The following EPPK1 variants were observed in gnomAD, a reference collection of about 807,000 sequenced individuals.
EPPK1 encodes epiplakin 1.
For missense variants in EPPK1, 3,823 were observed against 3,673.3 expected (o/e 1.04, Z -1.05); for synonymous variants, 1,862 against 1,721.2 (o/e 1.08, Z -2.03).
Position 143,872,532 on chromosome 8 carries a change from G to A in EPPK1, c.722C>T (p.Ala241Val), listed in dbSNP as rs782417012. 12 of 1,602,002 alleles carry A rather than the reference G, an allele frequency of 7.5e-6. No individual in the cohort carries two copies. The highest frequency in any genetic ancestry group is 6.8e-5 in the Admixed American group (4 of 59,218). The change falls in exon 2 of 2, where the codon GCG becomes GTG. Residue 241 changes from alanine to valine, a missense_variant. Transcript: ENST00000615648. ...CTCCAGCAGCTCAGCTGCACTCACCGCCCCGCCCATGGAGCGGAAGGTGAT... is the reference window on the plus strand; with the variant it reads ...CTCCAGCAGCTCAGCTGCACTCACCACCCCGCCCATGGAGCGGAAGGTGAT... Reference protein sequence around the residue: ...LKITFRSMGGAVSAAELLEVG... With the variant: ...LKITFRSMGGVVSAAELLEVG...
At position 143,869,376 on chromosome 8, in the gene EPPK1, AG is replaced by A. The variant is rs782479370; in HGVS notation, c.3877del (p.Leu1293Ter). 1.2e-6 allele frequency: 2 copies of A among 1,610,588 alleles called. No individual in the cohort carries two copies. The highest frequency in any genetic ancestry group is 1.7e-6 in the Non-Finnish European group (2 of 1,179,088). On this transcript the variant is annotated frameshift_variant, in exon 2 of 2. Coordinates refer to ENST00000615648, the MANE Select transcript of EPPK1 (RefSeq NM_031308.4). LOFTEE classifies it low-confidence loss of function (END_TRUNC). The part of the protein sequence containing the change: ...QVASGFLVDP[L>X]NNQRLSVEDA... ...CTCCACTGACAGTCTCTGGTTGTTCAGGGGGTCAACAAGGAAGCCAGATGCC... is the reference window on the plus strand; with the variant it reads ...CTCCACTGACAGTCTCTGGTTGTTCAGGGGTCAACAAGGAAGCCAGATGCC...
Position 143,866,876 on chromosome 8 carries a change from C to G in EPPK1, c.6378G>C (p.Leu2126=), listed in dbSNP as rs553724064. The G allele has an allele frequency of 6.2e-7, 1 of 1,613,268 alleles. No homozygotes were observed. The highest frequency in any genetic ancestry group is 8.5e-7 in the Non-Finnish European group (1 of 1,179,884). The change falls in exon 2 of 2, where the codon CTG becomes CTC. Residue 2126 remains leucine, a synonymous_variant. Transcript: ENST00000615648. Reference sequence around the variant, plus strand: ...TCTCCTCTGTCACGTATTCGGAATTCAGTAGTGCCCACAGTGTTGGTTTCT... The same window carrying G: ...TCTCCTCTGTCACGTATTCGGAATTGAGTAGTGCCCACAGTGTTGGTTTCT... The part of the protein sequence containing the change: ...RGQKPTLWAL[L]NSEYVTEEKK...
In EPPK1 at chr8:143,872,882, G is replaced by T; in HGVS notation, c.372C>A (p.Asp124Glu). 1.3e-6 allele frequency: 2 copies of T among 1,597,958 alleles called. No individual in the cohort carries two copies. Among genetic ancestry groups the T allele is most frequent in the Non-Finnish European group, 1.7e-6 (2 of 1,172,260 alleles). Residue 124 changes from aspartate to glutamate, a missense_variant, in exon 2 of 2, where the codon GAC (aspartate) becomes GAA (glutamate). Asp to Glu is a conservative substitution (Grantham distance 45). Coordinates refer to ENST00000615648, the MANE Select transcript of EPPK1 (RefSeq NM_031308.4). ...GGGCCAGCTTCTCACCGCCGTAGGG[G>T]TCAGGATAGCCCGTAGTGGCACGCT... is the stretch of plus-strand genomic sequence containing the variant. ...AAERATTGYPDPYGGEKLALF... is the reference protein window; with the variant it reads ...AAERATTGYPEPYGGEKLALF...
In EPPK1 at chr8:143,869,573, C is replaced by A; in HGVS notation, c.3681G>T (p.Gln1227His). 1 of 1,560,672 alleles carries A rather than the reference C, an allele frequency of 6.4e-7. No homozygotes were observed. The highest frequency in any genetic ancestry group is 1.2e-5 in the South Asian group (1 of 86,062). ...GCTGCTCGGCGACCTGGGCGGGCGACTGCGTGCCCTGAGCCAGGGCCTCAA... is the reference window on the plus strand; with the variant it reads ...GCTGCTCGGCGACCTGGGCGGGCGAATGCGTGCCCTGAGCCAGGGCCTCAA... ...ETLEALAQGT[Q>H]SPAQVAEQPA... The change falls in exon 2 of 2, where the codon CAG becomes CAT. Residue 1227 changes from glutamine to histidine, a missense_variant. By Grantham distance (24) the Gln-to-His change is conservative. Coordinates refer to ENST00000615648, the MANE Select transcript of EPPK1 (RefSeq NM_031308.4).
intron 1 of EPPK1, among the ~76,000 whole-genome samples, chr8:143,875,662 C>T (rs12674866): frequency 0.058 from 8,816 of 152,338 alleles, 612 homozygotes; most frequent in East Asian, 0.33. Context: ...CTGGCCGGTG[C>T]GCCACAGGGA....
intron 1 of EPPK1, 45 bp downstream of exon 1, chr8:143,878,393 T>TGCCCGCACCCGCCCGCACCCGCCGCACCC (rs1423132260): frequency 2.6e-3 from 63 of 24,538 alleles, no homozygotes; most frequent in African/African-American, 8.9e-3. Context: ...CCGCCGCACC[T>TGCCCGCACCCGCCCGCACCCGCCGCACCC]GCCCGCACCC....
rs781793059 is a variant in EPPK1 at position 143,867,193 on chromosome 8, G to A, written c.6061C>T (p.His2021Tyr). 1.9e-6 allele frequency: 3 copies of A among 1,612,760 alleles called. No homozygotes were observed. The highest frequency in any genetic ancestry group is 2.5e-6 in the Non-Finnish European group (3 of 1,179,812). The change falls in exon 2 of 2, where the codon CAC becomes TAC. Residue 2021 changes from histidine (H) to tyrosine (Y), a missense_variant. Coordinates refer to ENST00000615648, the MANE Select transcript of EPPK1 (RefSeq NM_031308.4). ...GTTTCCAGTGGGAGCCGGTGGTGGT[G>A]CTGTGGGTCGATGACACCCCCCGTG... ...VATGGVIDPQHHHRLPLETAY... is the reference protein window; with the variant it reads ...VATGGVIDPQYHHRLPLETAY...
At position 143,870,690 on chromosome 8, in the gene EPPK1, C is replaced by T. The variant is rs201267626; in HGVS notation, c.2564G>A (p.Arg855Gln). ...GRRRQLLRRY[R>Q]QREVTLGQVA... ...CTGCCCCAGCGTGACCTCGCGCTGC[C>T]GGTAGCGACGCAGCAGCTGCCTCCT... Residue 855 changes from arginine to glutamine, a missense_variant, in exon 2 of 2, where the codon CGG (arginine) becomes CAG (glutamine). Physicochemically the swap from Arg to Gln is conservative, Grantham distance 43 (BLOSUM62 1). Coordinates refer to ENST00000615648, the MANE Select transcript of EPPK1 (RefSeq NM_031308.4). This position sits in a 1 kb window ranked among gnomAD's most constrained non-coding sequence, Gnocchi z 5.2. 3.5e-4 allele frequency: 558 copies of T among 1,609,688 alleles called. No individual in the cohort carries two copies. Among genetic ancestry groups the T allele is most frequent in the Middle Eastern group, 6.6e-4 (4 of 6,056 alleles).
Position 143,866,641 on chromosome 8 carries a change from T to C in EPPK1, c.6613A>G (p.Ser2205Gly), listed in dbSNP as rs782083273. The change falls in exon 2 of 2, where the codon AGC becomes GGC. Residue 2205 changes from serine to glycine, a missense_variant. Physicochemically the swap from Ser to Gly is moderately conservative, Grantham distance 56. Transcript: ENST00000615648. ...EMLQDLETGR[S>G]TTQELMEDDR... is the part of the protein sequence containing the mutation. ...TCCTCCATGAGCTCTTGCGTCGTGC[T>C]CCGTCCCGTTTCCAGGTCCTGGAGC... The C allele has an allele frequency of 8.1e-6, 13 of 1,612,898 alleles. No homozygotes were observed. The highest frequency in any genetic ancestry group is 5.1e-6 in the Non-Finnish European group (6 of 1,179,886).
In EPPK1 at chr8:143,866,611, G is replaced by A. The variant is rs11781942; in HGVS notation, c.6643C>T (p.Arg2215Cys). ...GTGCCCTCCAGGTAGCGCTTGACGCGGTCGTCCTCCATGAGCTCTTGCGTC... is the reference window on the plus strand; with the variant it reads ...GTGCCCTCCAGGTAGCGCTTGACGCAGTCGTCCTCCATGAGCTCTTGCGTC... ...STTQELMEDD[R>C]VKRYLEGTSC... is the part of the protein sequence containing the mutation. The change falls in exon 2 of 2, where the codon CGC becomes TGC. Residue 2215 changes from arginine (R) to cysteine (C), a missense_variant. Arg to Cys is a radical substitution (Grantham distance 180, BLOSUM62 -3). Coordinates refer to ENST00000615648, the MANE Select transcript of EPPK1 (RefSeq NM_031308.4). The A allele has an allele frequency of 0.14, 232,308 of 1,612,758 alleles. 18,324 individuals are homozygous for A. Among genetic ancestry groups the A allele is most frequent in the Non-Finnish European group, 0.16 (190,082 of 1,179,820 alleles).
rs782526891 is a variant in EPPK1, at chr8:143,868,557, G to A, written c.4697C>T (p.Ser1566Phe). The A allele has an allele frequency of 1.3e-5, 21 of 1,604,478 alleles. No individual in the cohort carries two copies. The Admixed American group carries it at 3.4e-4, about 26-fold the overall frequency. ...EVAEMDSVKR[S>F]LEGGNFIAGV... ...GGCAATGAAGTTGCCTCCCTCCAGG[G>A]ACCGCTTCACGCTGTCCATCTCCGC... is the stretch of plus-strand genomic sequence containing the variant. The change falls in exon 2 of 2, where the codon TCC becomes TTC. Residue 1566 changes from serine to phenylalanine, a missense_variant. By Grantham distance (155) the Ser-to-Phe change is radical. Coordinates refer to ENST00000615648, the MANE Select transcript of EPPK1 (RefSeq NM_031308.4).
upstream of EPPK1, among the ~76,000 whole-genome samples, chr8:143,878,779 G>A (rs1185939820): frequency 2.0e-5 from 3 of 152,006 alleles, no homozygotes; most frequent in Non-Finnish European, 4.4e-5. Flanking sequence ...CCAGAGCGGC[G>A]GTTTCTATCC....
rs782509662 is a variant in EPPK1, at chr8:143,866,714, C to G, written c.6540G>C (p.Gln2180His). 8.1e-6 allele frequency: 13 copies of G among 1,613,416 alleles called. No homozygotes were observed. In the East Asian group the frequency reaches 2.7e-4, roughly 33 times the overall value. Residue 2180 changes from glutamine (Q) to histidine (H), a missense_variant, in exon 2 of 2, where the codon CAG becomes CAC. Gln to His is a conservative substitution (Grantham distance 24). Transcript: ENST00000615648. ...AGCTGAGGAGTTCAGAAGCTGTGAT[C>G]TGTCGTCTAATTCCTTGGAACCACA... ...KHLWFQGIRRQITASELLSSA... is the reference protein window; with the variant it reads ...KHLWFQGIRRHITASELLSSA...
rs1554661135 is a variant in EPPK1 at position 143,871,392 on chromosome 8, T to C, written c.1862A>G (p.Gln621Arg). Reference sequence around the variant, plus strand: ...GGCCTCATAGATGCTCAGGCGTTCCTGGGAGCCAGGGAGCAGCAGGCCAGC... The same window carrying C: ...GGCCTCATAGATGCTCAGGCGTTCCCGGGAGCCAGGGAGCAGCAGGCCAGC... The part of the protein sequence containing the change: ...CIAGLLLPGS[Q>R]ERLSIYEARC... The change falls in exon 2 of 2, where the codon CAG becomes CGG. Residue 621 changes from glutamine (Q) to arginine (R), a missense_variant. Transcript: ENST00000615648. 1.9e-6 allele frequency: 3 copies of C among 1,606,052 alleles called. No homozygotes were observed. Among genetic ancestry groups the C allele is most frequent in the East Asian group, 2.2e-5 (1 of 44,684 alleles).
intron 1 of EPPK1, 148 bp downstream of exon 1, chr8:143,878,290 G>A (rs1323358516): frequency 6.8e-6 from 1 of 146,024 alleles, no homozygotes; most frequent in Non-Finnish European, 1.5e-5. Flanking sequence ...CCTGGCCTCG[G>A]CGTGCGGCTC....
rs782087018 is a variant in EPPK1, at chr8:143,867,628, C to T, written c.5626G>A (p.Gly1876Arg). The T allele has an allele frequency of 1.2e-6, 2 of 1,613,342 alleles. No individual in the cohort carries two copies. Among genetic ancestry groups the T allele is most frequent in the Non-Finnish European group, 1.7e-6 (2 of 1,179,872 alleles). The change falls in exon 2 of 2, where the codon GGG becomes AGG. Residue 1876 changes from glycine (G) to arginine (R), a missense_variant. Physicochemically the swap from Gly to Arg is moderately radical, Grantham distance 125 (BLOSUM62 -2). Coordinates refer to ENST00000615648, the MANE Select transcript of EPPK1 (RefSeq NM_031308.4). Reference protein sequence around the residue: ...DQKTLHTLRVGRTGGQALSTL... With the variant: ...DQKTLHTLRVRRTGGQALSTL... The stretch of plus-strand genomic sequence containing the variant: ...CTGAGTGCCTGTCCCCCAGTCCTCC[C>T]CACACGAAGTGTGTGCAGGGTCTTC...
chr8:143,867,694 C>T lies in EPPK1; in HGVS notation c.5560G>A (p.Val1854Met). 6.2e-7 allele frequency: 1 copy of T among 1,613,580 alleles called. No homozygotes were observed. The highest frequency in any genetic ancestry group is 8.5e-7 in the Non-Finnish European group (1 of 1,179,860). Residue 1854 changes from valine to methionine, a missense_variant, in exon 2 of 2, where the codon GTG becomes ATG. Physicochemically the swap from Val to Met is conservative, Grantham distance 21. Coordinates refer to ENST00000615648, the MANE Select transcript of EPPK1 (RefSeq NM_031308.4). ...GAGTTGAACAGGTCTGCAGCTGTCA[C>T]CTCCCCTCTGATGGCCGCCACTTTG... ...GIKVAAIRGE[V>M]TAADLFNSRV...
Position 143,869,174 on chromosome 8 carries a change from C to T in EPPK1, c.4080G>A (p.Leu1360=), listed in dbSNP as rs1819247866. The change falls in exon 2 of 2, where the codon CTG becomes CTA. Residue 1360 remains leucine, a synonymous_variant. Transcript: ENST00000615648. ...NEGLPLLQVQ[L]ATGGVVDPVH... is the part of the protein sequence containing the mutation. ...CAGGGTCCACCACACCCCCTGTGGCCAGCTGCACCTGCAGGAGGGGCAAGC... is the reference window on the plus strand; with the variant it reads ...CAGGGTCCACCACACCCCCTGTGGCTAGCTGCACCTGCAGGAGGGGCAAGC... 1.2e-6 allele frequency: 2 copies of T among 1,608,410 alleles called. No homozygotes were observed. The highest frequency in any genetic ancestry group is 2.2e-5 in the East Asian group (1 of 44,860).
chr8:143,868,553 C>A lies in EPPK1; in HGVS notation c.4701G>T (p.Leu1567=), dbSNP rs148755111. 26 of 1,604,860 alleles carry A rather than the reference C, an allele frequency of 1.6e-5. No homozygotes were observed. In the African/African-American group the frequency reaches 3.3e-4, roughly 21 times the overall value. ...VAEMDSVKRS[L]EGGNFIAGVL... ...CCCCGGCAATGAAGTTGCCTCCCTCCAGGGACCGCTTCACGCTGTCCATCT... is the reference window on the plus strand; with the variant it reads ...CCCCGGCAATGAAGTTGCCTCCCTCAAGGGACCGCTTCACGCTGTCCATCT... Residue 1567 remains leucine (L), a synonymous_variant, in exon 2 of 2, where the codon CTG becomes CTT. Transcript: ENST00000615648.
Sources: allele counts gnomAD v4.1 joint callset (sites outside exome capture counted in the v4.1 genomes callset), GRCh38; gene constraint gnomAD v4.1.1; non-coding constraint Gnocchi (gnomAD v3.1); transcripts MANE v1.5; gene names NCBI Gene and HGNC (gene_info 2026-07-23, HGNC 2026-07-21).